Variants in PSEN1 observed in about 807,000 individuals in gnomAD.
The protein encoded by PSEN1 is presenilin-1.
A neutral mutation model predicts 53.5 loss-of-function variants in PSEN1; 15 were observed. That is an observed-to-expected ratio of 0.28 (90% CI 0.19 to 0.43). The LOEUF (loss-of-function observed/expected upper bound fraction) is 0.43, where lower values mean the gene tolerates loss of function less well. PSEN1 is among the 20% of genes least tolerant of loss of function. The pLI is 1.00. For synonymous variants in PSEN1, 208 were observed against 209.8 expected (o/e 0.99, Z 0.08); for missense variants, 387 against 571.2 (o/e 0.68, Z 3.29).
At chr14:73,162,492 G>C (rs1243524996) in intron 3 of PSEN1, among the ~76,000 whole-genome samples, 1 of 150,976 alleles carries the variant, frequency 6.6e-6, no homozygotes, top group Non-Finnish European at 1.5e-5. Flanking sequence ...GAGAGAGAGA[G>C]AGCACGCGAA....
At chr14:73,188,773 CTTTT>C (rs940293780) in intron 6 of PSEN1, among the ~76,000 whole-genome samples, 4 of 151,856 alleles carry the variant, frequency 2.6e-5, no homozygotes, top group Non-Finnish European at 5.9e-5. Flanking sequence ...TCTTTTCTTT[CTTTT>C]GTTTGTTTGT....
intron 5 of PSEN1, among the ~76,000 whole-genome samples, chr14:73,183,920 C>A (rs1388888572): frequency 2.3e-4 from 33 of 145,812 alleles, no homozygotes; most frequent in African/African-American, 8.2e-4. Flanking sequence ...GCTGGCCGGG[C>A]GGGGGGCTGA....
At position 73,219,311 on chromosome 14, in the gene PSEN1, A is replaced by G; in HGVS notation, c.*22A>G. 1.2e-6 allele frequency: 2 copies of G among 1,604,808 alleles called. No homozygotes were observed. Among genetic ancestry groups the G allele is most frequent in the East Asian group, 4.5e-5 (2 of 44,834 alleles). ...CTAGCATATTTGCGGTTAGAATCCC[A>G]TGGATGTTTCTTCTTTGACTATAAC... On this transcript the variant is annotated 3_prime_UTR_variant, in exon 12 of 12. Transcript: ENST00000324501.
chr14:73,177,924 A>G (rs896851354), intron 5 of PSEN1, among the ~76,000 whole-genome samples: 1 of 150,152 alleles, frequency 6.7e-6, no homozygotes, highest in African/African-American at 2.4e-5. Context: ...AAATTTTTCA[A>G]CCATTATTTC....
At chr14:73,176,088 A>G (rs962802404) in intron 5 of PSEN1, among the ~76,000 whole-genome samples, 1 of 152,236 alleles carries the variant, frequency 6.6e-6, no homozygotes, top group Non-Finnish European at 1.5e-5. Context: ...TTGCATGTTG[A>G]ACATTTGAGT....
At chr14:73,163,012 C>T (rs1048205270) in intron 3 of PSEN1, among the ~76,000 whole-genome samples, 2 of 151,990 alleles carry the variant, frequency 1.3e-5, no homozygotes, top group Non-Finnish European at 2.9e-5. Flanking sequence ...ATAAATTGTA[C>T]TTTTTTTGAA....
intron 1 of PSEN1, among the ~76,000 whole-genome samples, chr14:73,144,331 C>T (rs910903666): frequency 3.9e-5 from 6 of 152,030 alleles, no homozygotes; most frequent in African/African-American, 7.2e-5. Flanking sequence ...TGAGCCACTG[C>T]GCCCAGCCAG....
intron 5 of PSEN1, among the ~76,000 whole-genome samples, chr14:73,175,406 G>A (rs1370423324): frequency 6.6e-6 from 1 of 151,822 alleles, no homozygotes; most frequent in Non-Finnish European, 1.5e-5. Context: ...GATTACAGGC[G>A]TGAGCCACCA....
At chr14:73,171,169 T>G in intron 4 of PSEN1, 122 bp downstream of exon 4, 4 of 1,209,744 alleles carry the variant, frequency 3.3e-6, no homozygotes, top group Non-Finnish European at 4.8e-6. Flanking sequence ...GCCCATCCTC[T>G]GTGATGGTCA....
intron 3 of PSEN1, chr14:73,168,049 T>C (rs1413246471): frequency 6.6e-6 from 1 of 152,132 alleles, no homozygotes; most frequent in Non-Finnish European, 1.5e-5. Flanking sequence ...GCCCCTATCC[T>C]GTGCTCATAA....
chr14:73,196,980 T>C (rs1898975813), intron 7 of PSEN1, among the ~76,000 whole-genome samples: 1 of 150,182 alleles, frequency 6.7e-6, no homozygotes, highest in Non-Finnish European at 1.5e-5. Context: ...TTGCCCAGGC[T>C]GGAGTGCAGT....
intron 3 of PSEN1, among the ~76,000 whole-genome samples, chr14:73,154,863 CT>C (rs1897313329): frequency 6.6e-6 from 1 of 152,168 alleles, no homozygotes; most frequent in South Asian, 2.1e-4. Context: ...CACTTCTTAC[CT>C]ATCAGTGAGT....
chr14:73,211,726 T>A, intron 9 of PSEN1, 43 bp from the exon 10 acceptor site: 5 of 1,608,410 alleles, frequency 3.1e-6, no homozygotes, highest in Non-Finnish European at 4.3e-6. Flanking sequence ...AGGTATTAAA[T>A]TTTTCTAAAT....
intron 3 of PSEN1, among the ~76,000 whole-genome samples, chr14:73,157,196 G>T (rs140669416): frequency 0.072 from 10,886 of 151,316 alleles, 415 homozygotes; most frequent in Non-Finnish European, 0.089. Flanking sequence ...CATGATCTTG[G>T]CTCACTGCAA....
intron 1 of PSEN1, chr14:73,138,062 A>C (rs1389262017): frequency 6.7e-6 from 1 of 149,222 alleles, no homozygotes; most frequent in African/African-American, 2.5e-5. Context: ...AAAGAGTGAG[A>C]CTGTCTCAAA....
intron 3 of PSEN1, among the ~76,000 whole-genome samples, chr14:73,148,948 A>G (rs1033529386): frequency 3.9e-5 from 6 of 152,162 alleles, no homozygotes; most frequent in Admixed American, 6.6e-5. Flanking sequence ...AAATAAATAA[A>G]CAATAAATAA....
intron 1 of PSEN1, among the ~76,000 whole-genome samples, chr14:73,140,199 ATTCT>A (rs1179860146): frequency 2.0e-5 from 2 of 102,440 alleles, no homozygotes; most frequent in Non-Finnish European, 4.3e-5. Context: ...TTTTTTTGCT[ATTCT>A]TTTTTTTTTT....
intron 3 of PSEN1, among the ~76,000 whole-genome samples, chr14:73,162,530 G>GT (rs1407777271): frequency 4.6e-5 from 7 of 151,594 alleles, no homozygotes; most frequent in Non-Finnish European, 8.8e-5. Context: ...GAGAGAGCAC[G>GT]TATCTGCAGT....
At chr14:73,181,039 A>G (rs1293433015) in intron 5 of PSEN1, among the ~76,000 whole-genome samples, 1 of 152,222 alleles carries the variant, frequency 6.6e-6, no homozygotes, top group Non-Finnish European at 1.5e-5. Context: ...TTTTAATGTA[A>G]ATTAAAATTG....
Sources: allele counts gnomAD v4.1 joint callset (sites outside exome capture counted in the v4.1 genomes callset), GRCh38; gene constraint gnomAD v4.1.1; transcripts MANE v1.5; gene names NCBI Gene and HGNC (gene_info 2026-07-23, HGNC 2026-07-21).